MAPKBP1: variants seen among roughly 807,000 people sequenced by gnomAD.
MAPKBP1 encodes mitogen-activated protein kinase binding protein 1, also known as mitogen-activated protein kinase-binding protein 1.
A neutral mutation model predicts 170.5 loss-of-function variants in MAPKBP1; 71 were observed. That is an observed-to-expected ratio of 0.42 (90% CI 0.34 to 0.51). MAPKBP1 has a LOEUF of 0.51. MAPKBP1 is among the 20% of genes least tolerant of loss of function. The pLI is 0.06. For synonymous variants in MAPKBP1, 719 were observed against 757.9 expected (o/e 0.95, Z 0.84); for missense variants, 1,598 against 1,933.0 (o/e 0.83, Z 3.25).
chr15:41,819,509 GTAT>G, intron 21 of MAPKBP1, 83 bp from the exon 22 acceptor site: 2 of 1,553,550 alleles, frequency 1.3e-6, no homozygotes, highest in Admixed American at 1.7e-5. Context: ...GCCACACAGG[GTAT>G]GGGCTGATGG....
At position 41,821,984 on chromosome 15, in the gene MAPKBP1, C is replaced by T. The variant is rs760346670; in HGVS notation, c.2905C>T (p.Pro969Ser). 1.9e-6 allele frequency: 3 copies of T among 1,610,816 alleles called. No individual in the cohort carries two copies. The highest frequency in any genetic ancestry group is 1.7e-5 in the Admixed American group (1 of 59,704). ...TGACAGTGAGTTCCAAGTGCAGGCT[C>T]CAGCCCGGGGAACTCTGGGAAGAGT... ...MDTSEFQVQA[P>S]ARGTLGRVYP... The change falls in exon 25 of 31, where the codon CCA becomes TCA. Residue 969 changes from proline to serine, a missense_variant. This residue lies in a region of MAPKBP1 where 942 missense variants were observed against 953.2 expected (regional missense o/e 0.99). Transcript: ENST00000457542.
At chr15:41,794,079 A>C (rs2064442222) in intron 2 of MAPKBP1, among the ~76,000 whole-genome samples, 1 of 152,032 alleles carries the variant, frequency 6.6e-6, no homozygotes. Flanking sequence ...TAAAAATACA[A>C]AAATTAGCCA....
intron 2 of MAPKBP1, among the ~76,000 whole-genome samples, chr15:41,786,777 A>AAAAAAAAAAATATATATATAT: frequency 0.011 from 345 of 32,086 alleles, 22 homozygotes; most frequent in Middle Eastern, 0.05. Context: ...AAAAAAAAAA[A>AAAAAAAAAAATATATATATAT]ATATATATAT....
rs1351830995 is a variant in MAPKBP1, at chr15:41,826,733, AAAGTGGTAG to A, written c.*1299_*1307del. Reference sequence around the variant, plus strand: ...TGCTGGGGCCAAAGGAGACACTAGAAAAGTGGTAGATGGGACAGGTAAGTGGCAGAGGTG... The same window carrying A: ...TGCTGGGGCCAAAGGAGACACTAGAAATGGGACAGGTAAGTGGCAGAGGTG... On this transcript the variant is annotated 3_prime_UTR_variant, in exon 31 of 31. Transcript: ENST00000457542. 6.6e-6 allele frequency: 1 copy of A among 152,260 alleles called. No individual in the cohort carries two copies. Among genetic ancestry groups the A allele is most frequent in the Non-Finnish European group, 1.5e-5 (1 of 68,112 alleles). The allele number at this position is 152,260 out of a possible 1,614,324, so 9.4% of individuals were successfully genotyped here. A position where few individuals can be genotyped will look rare whatever the true frequency, so the allele number is the denominator to read the frequency against.
At chr15:41,819,547 C>CGGAGG (rs1555454018) in intron 21 of MAPKBP1, 48 bp from the exon 22 acceptor site, 6 of 1,235,876 alleles carry the variant, frequency 4.9e-6, no homozygotes, top group Non-Finnish European at 6.6e-6. Flanking sequence ...GGTTGGGTGG[C>CGGAGG]GGGGGGGGGG....
rs760248522 is a variant in MAPKBP1, at chr15:41,823,792, C to A, written c.3944C>A (p.Ala1315Asp). 1.9e-6 allele frequency: 3 copies of A among 1,614,084 alleles called. No homozygotes were observed. The Admixed American group carries it at 5.0e-5, about 27-fold the overall frequency. Residue 1315 changes from alanine (A) to aspartate (D), a missense_variant, in exon 29 of 31, where the codon GCC becomes GAC. By Grantham distance (126) the Ala-to-Asp change is moderately radical. Around this residue, in one of 6 missense-constraint regions of MAPKBP1, gnomAD observed 942 missense variants for 953.2 expected, o/e 0.99. Coordinates refer to ENST00000457542, the MANE Select transcript of MAPKBP1 (RefSeq NM_014994.3). The stretch of plus-strand genomic sequence containing the variant: ...TTCTCTCCTGTCACCAAAGGCCGGG[C>A]CCCTGGCGAGGCAGAAAAGCCTGGC... ...AAFSPVTKGR[A>D]PGEAEKPGFP...
chr15:41,812,226 C>G, intron 6 of MAPKBP1, 99 bp downstream of exon 6: 1 of 1,448,658 alleles, frequency 6.9e-7, no homozygotes, highest in African/African-American at 1.4e-5. Flanking sequence ...TTCCACCCCA[C>G]TGAACCATTC....
At chr15:41,781,862 A>G (rs1286133354) in intron 2 of MAPKBP1, among the ~76,000 whole-genome samples, 3 of 152,068 alleles carry the variant, frequency 2.0e-5, no homozygotes, top group Admixed American at 6.6e-5. Context: ...TTTGAGACCC[A>G]TCTTCCTTTA....
chr15:41,801,585 C>T (rs1383405144), intron 3 of MAPKBP1, among the ~76,000 whole-genome samples: 11 of 152,092 alleles, frequency 7.2e-5, no homozygotes, highest in East Asian at 5.8e-4. Flanking sequence ...CGGTGGCTCA[C>T]GCCTATAATC....
chr15:41,794,966 A>G (rs1476477272), intron 2 of MAPKBP1, among the ~76,000 whole-genome samples: 1 of 152,100 alleles, frequency 6.6e-6, no homozygotes, highest in Non-Finnish European at 1.5e-5. Flanking sequence ...GGGGTTCAAG[A>G]CCAGCCTGGT....
chr15:41,775,552 A>G (rs549304918), intron 2 of MAPKBP1, among the ~76,000 whole-genome samples, 163 bp downstream of exon 2: 2 of 152,338 alleles, frequency 1.3e-5, no homozygotes, highest in East Asian at 3.9e-4. Context: ...GGTTGAAGGA[A>G]AAAGAGCAGC....
At position 41,817,910 on chromosome 15, in the gene MAPKBP1, CAG is replaced by C; in HGVS notation, c.1905-94_1905-93del. On this transcript the variant is annotated intron_variant, in intron 16 of 30. Coordinates refer to ENST00000457542, the MANE Select transcript of MAPKBP1 (RefSeq NM_014994.3). The surrounding 1 kb of genome is among the most constrained non-coding windows in gnomAD (Gnocchi z 4.2). ...CCTGTTTGCTGCTGGGGGTAGCTCC[CAG>C]AGAGTGTAGACTGGGAGTGAAAGCT... is the stretch of plus-strand genomic sequence containing the variant. 1 of 1,527,588 alleles carries C rather than the reference CAG, an allele frequency of 6.5e-7. No individual in the cohort carries two copies. The allele number at this position is 1,527,588 out of a possible 1,614,324, so 94.6% of individuals were successfully genotyped here. A position where few individuals can be genotyped will look rare whatever the true frequency, so the allele number is the denominator to read the frequency against.
chr15:41,788,308 CA>C (rs1438430260), intron 2 of MAPKBP1, among the ~76,000 whole-genome samples: 1 of 152,126 alleles, frequency 6.6e-6, no homozygotes, highest in Non-Finnish European at 1.5e-5. Flanking sequence ...ATTGATTCAA[CA>C]AATATATATT....
chr15:41,807,370 A>C (rs2064717272), intron 3 of MAPKBP1, among the ~76,000 whole-genome samples: 1 of 152,214 alleles, frequency 6.6e-6, no homozygotes, highest in Admixed American at 6.5e-5. Flanking sequence ...ACTACCCTTT[A>C]AAGGCTGAAA....
At chr15:41,776,873 C>T (rs925317225) in intron 2 of MAPKBP1, among the ~76,000 whole-genome samples, 8 of 152,158 alleles carry the variant, frequency 5.3e-5, no homozygotes, top group African/African-American at 1.9e-4. Flanking sequence ...TATTGAGTGC[C>T]TATGAAGTGT....
chr15:41,819,527 A>G, intron 21 of MAPKBP1, 68 bp from the exon 22 acceptor site: 2 of 1,262,998 alleles, frequency 1.6e-6, no homozygotes, highest in Non-Finnish European at 1.1e-6. Flanking sequence ...TGATGGGGCC[A>G]GGGCTCCAGG....
intron 2 of MAPKBP1, among the ~76,000 whole-genome samples, chr15:41,783,837 G>A (rs961675203): frequency 1.3e-5 from 2 of 152,144 alleles, no homozygotes; most frequent in South Asian, 2.1e-4. Context: ...GTGAAACCCC[G>A]TCTCTACTAA....
At chr15:41,786,763 T>TAA (rs1232815975) in intron 2 of MAPKBP1, among the ~76,000 whole-genome samples, 338 of 30,528 alleles carry the variant, frequency 0.011, 30 homozygotes, top group African/African-American at 0.021. Context: ...AGACTCCGTC[T>TAA]AAAAAAAAAA....
intron 3 of MAPKBP1, 137 bp from the exon 4 acceptor site, chr15:41,810,739 AGAAAAGG>A: frequency 9.2e-6 from 5 of 543,838 alleles, no homozygotes; most frequent in East Asian, 2.9e-5. Context: ...AAAAAAAAAA[AGAAAAGG>A]AAAAAAACAG....
Sources: gnomAD v4.1 joint callset for allele counts (sites outside exome capture counted in the v4.1 genomes callset) on GRCh38, gnomAD v4.1.1 for gene constraint, gnomAD v4.1.1 regional missense constraint, Gnocchi (gnomAD v3.1) non-coding constraint, MANE v1.5 for transcripts, NCBI Gene and HGNC (gene_info 2026-07-23, HGNC 2026-07-21) for gene names.